PHF24: variants seen among roughly 807,000 people sequenced by gnomAD.
PHF24 encodes PHD finger protein 24, also known as Galpha inhibitory interacting protein.
In PHF24, 25 loss-of-function variants were observed where a neutral mutation model predicts 42.6. The observed-to-expected ratio is 0.59, with a 90% CI of 0.43 to 0.82. The LOEUF is 0.82. Ranked by LOEUF, PHF24 falls within the 40% of genes least tolerant of loss-of-function variation. The pLI is 0.00. For synonymous variants in PHF24, 185 were observed against 204.8 expected (o/e 0.90, Z 0.83); for missense variants, 470 against 538.1 (o/e 0.87, Z 1.25).
At chr9:34,888,857 T>G in the PHF24 span, among the ~76,000 whole-genome samples, 1 of 152,236 alleles carries the variant, frequency 6.6e-6, no homozygotes. Context: ...TTTCTTTCAA[T>G]GCACCTAAAA....
the PHF24 span, among the ~76,000 whole-genome samples, chr9:34,699,806 C>T: frequency 6.6e-6 from 1 of 152,214 alleles, no homozygotes; most frequent in African/African-American, 2.4e-5. Flanking sequence ...ACAACAGATA[C>T]GCGTTCCTGC....
the PHF24 span, among the ~76,000 whole-genome samples, chr9:34,745,681 T>C: frequency 2.7e-5 from 4 of 148,296 alleles, no homozygotes; most frequent in African/African-American, 4.9e-5. Flanking sequence ...CATTCAGAAT[T>C]CTGAAAATGG....
At chr9:34,746,105 G>C in the PHF24 span, among the ~76,000 whole-genome samples, 32 of 152,246 alleles carry the variant, frequency 2.1e-4, 1 homozygote, top group South Asian at 6.2e-3. Context: ...AAGATTTATA[G>C]GTTAAAGGGA....
exon 8 of PHF24, chr9:34,980,787 T>C (rs1827362763): frequency 6.6e-6 from 1 of 152,252 alleles, no homozygotes; most frequent in South Asian, 2.1e-4. Context: ...TTTCAGTCTT[T>C]TCTTTGTGGC....
the PHF24 span, among the ~76,000 whole-genome samples, chr9:34,897,399 A>G: frequency 6.6e-6 from 1 of 152,206 alleles, no homozygotes; most frequent in African/African-American, 2.4e-5. Flanking sequence ...GGGCTAGAGA[A>G]GGGGGAAATA....
the PHF24 span, among the ~76,000 whole-genome samples, chr9:34,769,479 A>G: frequency 6.6e-6 from 1 of 152,304 alleles, no homozygotes; most frequent in East Asian, 1.9e-4. Context: ...AAGACTCAAC[A>G]ATTCTTCCCA....
the PHF24 span, among the ~76,000 whole-genome samples, chr9:34,699,382 A>G: frequency 6.6e-6 from 1 of 152,362 alleles, no homozygotes; most frequent in South Asian, 2.1e-4. Flanking sequence ...AGTGGGCAGA[A>G]TTTGGGGCAG....
chr9:34,798,500 A>T, the PHF24 span, among the ~76,000 whole-genome samples: 1 of 152,208 alleles, frequency 6.6e-6, no homozygotes, highest in Admixed American at 6.5e-5. Context: ...TTTGCTTAGG[A>T]TAATGGACTC....
chr9:34,681,649 A>G, the PHF24 span, among the ~76,000 whole-genome samples: 2 of 152,424 alleles, frequency 1.3e-5, no homozygotes, highest in East Asian at 3.9e-4. Context: ...TGTCTCTACT[A>G]AAAATAGAAA....
chr9:34,744,464 T>C, the PHF24 span, among the ~76,000 whole-genome samples: 1 of 152,182 alleles, frequency 6.6e-6, no homozygotes, highest in African/African-American at 2.4e-5. Flanking sequence ...TGCTGCATAC[T>C]CAGAAGGTTC....
chr9:34,889,611 T>C, the PHF24 span: 3 of 398,490 alleles, frequency 7.5e-6, no homozygotes, highest in Non-Finnish European at 8.8e-6. Context: ...CTTCATCTTG[T>C]TATCCAAGCC....
chr9:34,875,944 ACACACACTCT>A, the PHF24 span, among the ~76,000 whole-genome samples: 4 of 85,588 alleles, frequency 4.7e-5, no homozygotes, highest in Non-Finnish European at 6.8e-5. Flanking sequence ...ACACACACAC[ACACACACTCT>A]CTCTCTCTCT....
At chr9:34,681,115 G>A in the PHF24 span, 2 of 152,238 alleles carry the variant, frequency 1.3e-5, no homozygotes, top group East Asian at 3.8e-4. Context: ...GGAAGCCTGT[G>A]TTGAGATGAA....
At chr9:34,675,209 G>T in the PHF24 span, among the ~76,000 whole-genome samples, 12 of 152,204 alleles carry the variant, frequency 7.9e-5, no homozygotes, top group Middle Eastern at 3.4e-3. Context: ...TTCTCAATCC[G>T]CAAGGGCCTG....
chr9:34,967,522 A>G (rs1259470103), intron 1 of PHF24, among the ~76,000 whole-genome samples: 3 of 152,370 alleles, frequency 2.0e-5, no homozygotes, highest in South Asian at 2.1e-4. Flanking sequence ...AGGAAAACCT[A>G]GTGGTCTGGA....
chr9:34,728,242 A>G, the PHF24 span, among the ~76,000 whole-genome samples: 7 of 152,210 alleles, frequency 4.6e-5, no homozygotes, highest in African/African-American at 1.7e-4. Context: ...CTGTAACACA[A>G]TGTCCCATAT....
At chr9:34,667,228 T>C in the PHF24 span, among the ~76,000 whole-genome samples, 1 of 152,156 alleles carries the variant, frequency 6.6e-6, no homozygotes, top group Non-Finnish European at 1.5e-5. Flanking sequence ...GCTGACTGTA[T>C]AGGAGGGAGT....
the PHF24 span, among the ~76,000 whole-genome samples, chr9:34,702,437 T>C: frequency 6.6e-6 from 1 of 152,192 alleles, no homozygotes; most frequent in African/African-American, 2.4e-5. Context: ...TAATATTGGA[T>C]TGAAATTTAT....
chr9:34,978,599 C>T (rs1003039552), exon 8 of PHF24: 1 of 155,226 alleles, frequency 6.4e-6, no homozygotes, highest in African/African-American at 2.4e-5. Flanking sequence ...CGCATGCCTG[C>T]CTAGAGCTCC....
Sources: allele counts gnomAD v4.1 joint callset (sites outside exome capture counted in the v4.1 genomes callset), GRCh38; gene constraint gnomAD v4.1.1; transcripts MANE v1.5; gene names NCBI Gene and HGNC (gene_info 2026-07-23, HGNC 2026-07-21).